RBM33: variants seen among roughly 807,000 people sequenced by gnomAD.
The protein encoded by RBM33 is RNA binding motif protein 33, also known as RNA-binding protein 33.
RBM33 carries 28 observed loss-of-function variants against 132.6 expected under a neutral mutation model. The observed-to-expected ratio is 0.21, with a 90% CI of 0.16 to 0.29. RBM33 has a LOEUF of 0.29. Ranked by LOEUF, RBM33 falls within the 10% of genes least tolerant of loss-of-function variation. RBM33 has a pLI of 1.00. For synonymous variants in RBM33, 634 were observed against 593.0 expected (o/e 1.07, Z -1.01); for missense variants, 1,291 against 1,518.5 (o/e 0.85, Z 2.49).
At chr7:155,673,951 T>TTTTTTTTTG (rs1799098691) in intron 3 of RBM33, among the ~76,000 whole-genome samples, 1 of 108,608 alleles carries the variant, frequency 9.2e-6, no homozygotes, top group Non-Finnish European at 1.9e-5. Context: ...TTTTTTTTTT[T>TTTTTTTTTG]TTTTTTTTTT....
intron 1 of RBM33, among the ~76,000 whole-genome samples, chr7:155,648,433 A>G (rs746628531): frequency 8.5e-5 from 13 of 152,204 alleles, no homozygotes; most frequent in Non-Finnish European, 1.9e-4. Context: ...CCACTGTGTC[A>G]GTATGTAGTA....
chr7:155,684,745 T>A (rs1799425050), intron 5 of RBM33, among the ~76,000 whole-genome samples: 1 of 152,182 alleles, frequency 6.6e-6, no homozygotes, highest in African/African-American at 2.4e-5. Flanking sequence ...ATGATATGCT[T>A]TGTTTGCATT....
rs1219373053 is a variant in RBM33, at chr7:155,745,156, G to A, written c.2533G>A (p.Glu845Lys). ...YAPPPPAEQE[E>K]QALSPSPTNG... ...TCCCCCACCCCCAGCAGAGCAGGAAGAGCAGGCACTGTCACCATCACCCAC... is the reference window on the plus strand; with the variant it reads ...TCCCCCACCCCCAGCAGAGCAGGAAAAGCAGGCACTGTCACCATCACCCAC... The change falls in exon 14 of 18, where the codon GAG becomes AAG. Residue 845 changes from glutamate (E) to lysine (K), a missense_variant. By Grantham distance (56) the Glu-to-Lys change is moderately conservative. Transcript: ENST00000401878. The surrounding 1 kb of genome is among the most constrained non-coding windows in gnomAD (Gnocchi z 4.1). 9 of 1,607,450 alleles carry A rather than the reference G, an allele frequency of 5.6e-6. No individual in the cohort carries two copies. Among genetic ancestry groups the A allele is most frequent in the Non-Finnish European group, 5.9e-6 (7 of 1,176,672 alleles).
chr7:155,741,223 C>T (rs889950871), intron 12 of RBM33, among the ~76,000 whole-genome samples: 2 of 151,894 alleles, frequency 1.3e-5, no homozygotes, highest in South Asian at 2.1e-4. Flanking sequence ...CTGCTTCCCC[C>T]CTCCCCCCTT....
chr7:155,764,135 A>G (rs1802137236), intron 15 of RBM33, 117 bp downstream of exon 15: 3 of 782,606 alleles, frequency 3.8e-6, no homozygotes, highest in African/African-American at 3.6e-5. Flanking sequence ...TTCATAAGTG[A>G]ACCATCATTT....
At chr7:155,657,397 G>T (rs1158012562) in intron 1 of RBM33, among the ~76,000 whole-genome samples, 1 of 152,208 alleles carries the variant, frequency 6.6e-6, no homozygotes, top group Non-Finnish European at 1.5e-5. Flanking sequence ...TCAAAAATCA[G>T]TGAGGAGGCC....
chr7:155,693,322 A>AT lies in RBM33; in HGVS notation c.568-7442dup, dbSNP rs1022074849. On this transcript the variant is annotated intron_variant, in intron 5 of 17. Transcript: ENST00000401878. ...AAGTTGCATCTGTTTCACTCTTGTG[A>AT]TTTTTTTTTCTTTTTTTTTTTCTTT... 1.7e-3 allele frequency among the ~76,000 whole-genome samples: 196 copies of AT among 116,728 alleles called. 1 individual carries two copies. The highest frequency in any genetic ancestry group is 7.1e-3 in the South Asian group (20 of 2,814). 76.6% of individuals were successfully genotyped at this position (116,728 alleles called of 152,430 possible).
At position 155,718,309 on chromosome 7, in the gene RBM33, A is replaced by T. The variant is rs1585481975; in HGVS notation, c.1202-76A>T. 4 of 1,137,324 alleles carry T rather than the reference A, an allele frequency of 3.5e-6. No homozygotes were observed. The East Asian group carries it at 9.4e-5, about 27-fold the overall frequency. 70.5% of individuals were successfully genotyped at this position (1,137,324 alleles called of 1,614,324 possible). Reference sequence around the variant, plus strand: ...GTACGCATAGTATATATTTTATATTAAACTTCATATGTTGTCTTACAGGGG... The same window carrying T: ...GTACGCATAGTATATATTTTATATTTAACTTCATATGTTGTCTTACAGGGG... On this transcript the variant is annotated intron_variant, in intron 8 of 17. Coordinates refer to ENST00000401878, the MANE Select transcript of RBM33 (RefSeq NM_053043.3).
intron 5 of RBM33, among the ~76,000 whole-genome samples, chr7:155,695,078 CCTT>C (rs1799754222): frequency 6.6e-6 from 1 of 152,106 alleles, no homozygotes; most frequent in Non-Finnish European, 1.5e-5. Flanking sequence ...TTGATTTAAT[CCTT>C]CTAGTGAGTG....
intron 8 of RBM33, among the ~76,000 whole-genome samples, chr7:155,717,495 G>A (rs1800497725): frequency 6.9e-6 from 1 of 144,100 alleles, no homozygotes; most frequent in Non-Finnish European, 1.5e-5. Flanking sequence ...CTGAGGTACG[G>A]GGGGTTGGGG....
chr7:155,749,061 G>A (rs1801613491), intron 14 of RBM33, among the ~76,000 whole-genome samples: 1 of 152,118 alleles, frequency 6.6e-6, no homozygotes, highest in African/African-American at 2.4e-5. Flanking sequence ...GGCTTTGGGT[G>A]CAGAAAGACT....
intron 14 of RBM33, among the ~76,000 whole-genome samples, chr7:155,747,532 C>T (rs1801557015): frequency 6.6e-6 from 1 of 152,234 alleles, no homozygotes; most frequent in African/African-American, 2.4e-5. Context: ...TCATAAACAG[C>T]TTTCCTTTAA....
Position 155,745,743 on chromosome 7 carries a change from T to A in RBM33, c.2979+141T>A. The A allele has an allele frequency of 1.2e-6, 1 of 853,250 alleles. No individual in the cohort carries two copies. The highest frequency in any genetic ancestry group is 1.8e-6 in the Non-Finnish European group (1 of 561,656). The allele number at this position is 853,250 out of a possible 1,614,324, so 52.9% of individuals were successfully genotyped here. ...TAACCAATCTCTACCTACTTGAAGT[T>A]GGTATAAGAATTGCCGCTTGACGAC... On this transcript the variant is annotated intron_variant, in intron 14 of 17. Transcript: ENST00000401878. This position sits in a 1 kb window ranked among gnomAD's most constrained non-coding sequence, Gnocchi z 4.1.
chr7:155,773,690 T>C (rs1802513232), intron 16 of RBM33, among the ~76,000 whole-genome samples: 1 of 151,056 alleles, frequency 6.6e-6, no homozygotes, highest in African/African-American at 2.4e-5. Context: ...GAGCTTTGAG[T>C]TGCTTGAGAG....
At chr7:155,767,636 A>T (rs999288783) in intron 16 of RBM33, among the ~76,000 whole-genome samples, 2 of 152,230 alleles carry the variant, frequency 1.3e-5, no homozygotes, top group African/African-American at 4.8e-5. Flanking sequence ...CTTGGGTTTA[A>T]TTGCTGCCAT....
chr7:155,733,806 C>G (rs1171460653), intron 9 of RBM33, among the ~76,000 whole-genome samples: 2 of 152,210 alleles, frequency 1.3e-5, no homozygotes, highest in African/African-American at 4.8e-5. Context: ...GTTTTGTCAC[C>G]TAGACCGTGA....
chr7:155,699,972 G>A (rs1005247110), intron 5 of RBM33, among the ~76,000 whole-genome samples: 2 of 152,174 alleles, frequency 1.3e-5, no homozygotes, highest in African/African-American at 2.4e-5. Context: ...ATGTCTAAGA[G>A]TGGGTCACAG....
At chr7:155,732,748 C>T (rs771431615) in intron 9 of RBM33, among the ~76,000 whole-genome samples, 28 of 152,204 alleles carry the variant, frequency 1.8e-4, no homozygotes, top group South Asian at 4.1e-4. Flanking sequence ...GCAAGGATGC[C>T]GAGGGCCTTG....
At chr7:155,678,342 C>T (rs1291300045) in intron 3 of RBM33, among the ~76,000 whole-genome samples, 1 of 152,178 alleles carries the variant, frequency 6.6e-6, no homozygotes, top group East Asian at 1.9e-4. Context: ...GACTTCTTAC[C>T]TTTTCTCTTT....
Sources: gnomAD v4.1 joint callset for allele counts (sites outside exome capture counted in the v4.1 genomes callset) on GRCh38, gnomAD v4.1.1 for gene constraint, Gnocchi (gnomAD v3.1) non-coding constraint, MANE v1.5 for transcripts, NCBI Gene and HGNC (gene_info 2026-07-23, HGNC 2026-07-21) for gene names.